ENO4: variants seen among roughly 807,000 people sequenced by gnomAD.
ENO4 encodes the protein 2-phospho-D-glycerate hydro-lyase.
In ENO4, 53 loss-of-function variants were observed where a neutral mutation model predicts 63.2. The ratio of observed to expected loss-of-function variants is 0.84; its 90% CI spans 0.67 to 1.05. The LOEUF is 1.05. ENO4 is among the 50% of genes least tolerant of loss of function. The pLI, the probability that ENO4 is intolerant of heterozygous loss-of-function variation, is 0.00. For synonymous variants in ENO4, 266 were observed against 283.8 expected (o/e 0.94, Z 0.63); for missense variants, 719 against 772.0 (o/e 0.93, Z 0.81).
intron 10 of ENO4, among the ~76,000 whole-genome samples, chr10:116,909,394 A>T (rs1191253927): frequency 2.0e-5 from 3 of 152,234 alleles, no homozygotes; most frequent in African/African-American, 2.4e-5. Context: ...ACAATTTTTT[A>T]AAAATTGCTT....
At chr10:116,899,334 G>A (rs1423626839) in intron 10 of ENO4, among the ~76,000 whole-genome samples, 1 of 152,146 alleles carries the variant, frequency 6.6e-6, no homozygotes, top group East Asian at 1.9e-4. Context: ...GGGTGGCCAG[G>A]GTAGGCCTCA....
intron 10 of ENO4, among the ~76,000 whole-genome samples, chr10:116,906,292 A>G (rs1847969607): frequency 6.6e-6 from 1 of 152,246 alleles, no homozygotes; most frequent in South Asian, 2.1e-4. Flanking sequence ...CTAGGACTCA[A>G]ACTTGGGTGG....
chr10:116,866,802 C>T (rs1023152550), intron 7 of ENO4, among the ~76,000 whole-genome samples: 1 of 150,022 alleles, frequency 6.7e-6, no homozygotes, highest in Admixed American at 6.6e-5. Flanking sequence ...GAGATCCTGT[C>T]CCATTAAAAA....
At chr10:116,868,848 C>T in intron 8 of ENO4, 142 bp downstream of exon 8, 2 of 736,694 alleles carry the variant, frequency 2.7e-6, no homozygotes, top group East Asian at 2.7e-5. Flanking sequence ...GCTCCAGACA[C>T]CCCCAGAGCT....
At chr10:116,884,452 A>G (rs931812173), downstream of ENO4, 2 of 354,344 alleles carry the variant, frequency 5.6e-6, no homozygotes, top group African/African-American at 4.3e-5. Flanking sequence ...ACCTGTTACT[A>G]ATTGTTCCCT....
At chr10:116,890,262 C>T (rs1308921038) in intron 10 of ENO4, among the ~76,000 whole-genome samples, 1 of 152,200 alleles carries the variant, frequency 6.6e-6, no homozygotes, top group Non-Finnish European at 1.5e-5. Context: ...CTGTCTCCTG[C>T]ATGCCACAAA....
At chr10:116,886,780 G>A (rs546238950), downstream of ENO4, among the ~76,000 whole-genome samples, 2 of 152,272 alleles carry the variant, frequency 1.3e-5, no homozygotes, top group East Asian at 3.9e-4. Flanking sequence ...GAAGAAAGAA[G>A]GCAGAGAAAG....
At chr10:116,866,707 A>G (rs1489931640) in intron 7 of ENO4, among the ~76,000 whole-genome samples, 1 of 151,840 alleles carries the variant, frequency 6.6e-6, no homozygotes, top group Non-Finnish European at 1.5e-5. Context: ...TGGGAGGCTG[A>G]GGTGGGAGGA....
At chr10:116,902,831 G>A (rs1847800171) in intron 10 of ENO4, among the ~76,000 whole-genome samples, 2 of 152,178 alleles carry the variant, frequency 1.3e-5, no homozygotes, top group Non-Finnish European at 2.9e-5. Context: ...CACAAAACTT[G>A]GGTGTCTCTT....
chr10:116,890,485 A>G (rs1241188533), intron 10 of ENO4, among the ~76,000 whole-genome samples: 1 of 152,212 alleles, frequency 6.6e-6, no homozygotes, highest in Non-Finnish European at 1.5e-5. Context: ...TTCCTGTCCA[A>G]TAATTTTTTC....
At chr10:116,904,473 C>G (rs1160260002) in intron 10 of ENO4, among the ~76,000 whole-genome samples, 1 of 150,296 alleles carries the variant, frequency 6.7e-6, no homozygotes, top group African/African-American at 2.5e-5. Context: ...TATTAGGAAA[C>G]TCAAAGGAAA....
chr10:116,907,319 G>C (rs1848008547), intron 10 of ENO4, among the ~76,000 whole-genome samples: 3 of 152,150 alleles, frequency 2.0e-5, no homozygotes, highest in Non-Finnish European at 4.4e-5. Flanking sequence ...AGTATGAAAG[G>C]AAAGTTATAA....
At chr10:116,868,479 G>A in intron 7 of ENO4, 171 bp from the exon 8 acceptor site, 2 of 711,288 alleles carry the variant, frequency 2.8e-6, no homozygotes, top group South Asian at 3.0e-5. Context: ...ATATAAAGTA[G>A]GGAGTGGCTG....
At position 116,876,223 on chromosome 10, in the gene ENO4, A is replaced by T. The variant is rs750192789; in HGVS notation, c.1500A>T (p.Thr500=). 9 of 1,548,780 alleles carry T rather than the reference A, an allele frequency of 5.8e-6. No homozygotes were observed. The African/African-American group carries it at 1.1e-4, about 19-fold the overall frequency. The change falls in exon 11 of 14, where the codon ACA becomes ACT. Residue 500 remains threonine, a synonymous_variant. Coordinates refer to ENST00000341276, the MANE Select transcript of ENO4 (RefSeq NM_001242699.2). ...TCATAAAACACACAAACCAAACTAC[A>T]ATGTCTGACTTGGTGGAAATAACCA... The part of the protein sequence containing the change: ...GLIIKHTNQT[T]MSDLVEITNL...
At chr10:116,900,543 G>C in intron 10 of ENO4, 1 of 1,534,000 alleles carries the variant, frequency 6.5e-7, no homozygotes. Context: ...CAGATTATCT[G>C]TGTAAAATGG....
chr10:116,911,763 A>G (rs200983418), exon 11 of ENO4: 2 of 1,598,540 alleles, frequency 1.3e-6, no homozygotes, highest in African/African-American at 2.7e-5. Flanking sequence ...CCCATTAGCT[A>G]AACAATAAAC....
At position 116,876,234 on chromosome 10, in the gene ENO4, T is replaced by G; in HGVS notation, c.1511T>G (p.Leu504Trp). 6.5e-7 allele frequency: 1 copy of G among 1,547,388 alleles called. No individual in the cohort carries two copies. Reference protein sequence around the residue: ...KHTNQTTMSDLVEITNLIDSK... With the variant: ...KHTNQTTMSDWVEITNLIDSK... ...ACAAACCAAACTACAATGTCTGACT[T>G]GGTGGAAATAACCAATCTGATTGAC... Residue 504 changes from leucine to tryptophan, a missense_variant, in exon 11 of 14, where the codon TTG (leucine) becomes TGG (tryptophan). Leu to Trp is a moderately conservative substitution (Grantham distance 61, BLOSUM62 -2). This residue lies in a region of ENO4 where 168 missense variants were observed against 163.3 expected (regional missense o/e 1.03). Coordinates refer to ENST00000341276, the MANE Select transcript of ENO4 (RefSeq NM_001242699.2).
At chr10:116,855,781 T>A (rs1439521116) in intron 2 of ENO4, 30 bp downstream of exon 2, 1 of 1,497,912 alleles carries the variant, frequency 6.7e-7, no homozygotes, top group Non-Finnish European at 8.9e-7. Flanking sequence ...TGTTCTTTAA[T>A]GTCCTGGCCC....
At chr10:116,892,693 T>C (rs1369587511) in intron 10 of ENO4, among the ~76,000 whole-genome samples, 1 of 152,238 alleles carries the variant, frequency 6.6e-6, no homozygotes. Flanking sequence ...CACAAATTAC[T>C]TTTCATAGAG....
Sources: allele counts gnomAD v4.1 joint callset (sites outside exome capture counted in the v4.1 genomes callset), GRCh38; gene constraint gnomAD v4.1.1; regional missense constraint gnomAD v4.1.1; transcripts MANE v1.5; gene names NCBI Gene and HGNC (gene_info 2026-07-23, HGNC 2026-07-21).